The following CHD1L variants were observed in gnomAD, a reference collection of about 807,000 sequenced individuals.
The protein encoded by CHD1L is ATP-dependent chromatin remodeler CHD1L.
In CHD1L, 118 loss-of-function variants were observed where a neutral mutation model predicts 115.9. The ratio of observed to expected loss-of-function variants is 1.02; its 90% CI spans 0.88 to 1.19. CHD1L has a LOEUF of 1.19. Among genes scored for constraint, CHD1L ranks in the 50% most tolerant of loss-of-function variants. The pLI is 0.00. For synonymous variants in CHD1L, 411 were observed against 387.1 expected (o/e 1.06, Z -0.72); for missense variants, 1,179 against 1,065.3 (o/e 1.11, Z -1.49).
At chr1:147,264,356 G>A in intron 6 of CHD1L, 66 bp from the exon 7 acceptor site, 1 of 1,395,808 alleles carries the variant, frequency 7.2e-7, no homozygotes, top group Non-Finnish European at 9.8e-7. Flanking sequence ...TAAAGGTTGT[G>A]ATGGGTAACT....
chr1:147,203,674 G>A, the CHD1L span: 1 of 1,456,944 alleles, frequency 6.9e-7, no homozygotes, highest in Non-Finnish European at 9.6e-7. Flanking sequence ...TGATCTGTTT[G>A]GCTAATTCAA....
At chr1:147,203,910 C>T in the CHD1L span, 2 of 1,553,532 alleles carry the variant, frequency 1.3e-6, no homozygotes. Context: ...CCCATTTCTT[C>T]AAGGACAGGA....
At chr1:147,264,333 C>G in intron 6 of CHD1L, 89 bp from the exon 7 acceptor site, 2 of 1,196,054 alleles carry the variant, frequency 1.7e-6, no homozygotes, top group East Asian at 5.3e-5. Context: ...AATCATGCCT[C>G]TCTCTGTGTG....
chr1:147,192,937 C>T, the CHD1L span, among the ~76,000 whole-genome samples: 3 of 152,138 alleles, frequency 2.0e-5, no homozygotes, highest in Non-Finnish European at 2.9e-5. Flanking sequence ...AGGATTTTTG[C>T]ATCAATGTTC....
the CHD1L span, among the ~76,000 whole-genome samples, chr1:147,187,823 G>C: frequency 1.3e-5 from 2 of 152,172 alleles, no homozygotes; most frequent in African/African-American, 4.8e-5. Flanking sequence ...ATTTAAAAGG[G>C]CTTTTTAAAG....
chr1:147,286,455 C>G lies in CHD1L; in HGVS notation c.2176C>G (p.His726Asp). 6.2e-7 allele frequency: 1 copy of G among 1,614,082 alleles called. No homozygotes were observed. The highest frequency in any genetic ancestry group is 8.5e-7 in the Non-Finnish European group (1 of 1,180,036). The change falls in exon 18 of 23, where the codon CAC (histidine) becomes GAC (aspartate). Residue 726 changes from histidine to aspartate, a missense_variant. Transcript: ENST00000369258. ...SLKYVSGDVTHPQAGAEDALI... is the reference protein window; with the variant it reads ...SLKYVSGDVTDPQAGAEDALI... ...CAAGTACGTTAGTGGTGATGTCACC[C>G]ACCCTCAGGCTGGGGCCGAGGATGC... is the stretch of plus-strand genomic sequence containing the variant.
chr1:147,256,402 T>C, intron 4 of CHD1L, 129 bp from the exon 5 acceptor site: 1 of 822,350 alleles, frequency 1.2e-6, no homozygotes, highest in Non-Finnish European at 1.9e-6. Context: ...TCTCAGAACT[T>C]TTTTTTACTT....
the CHD1L span, chr1:147,178,170 C>G: frequency 6.2e-7 from 1 of 1,610,624 alleles, no homozygotes; most frequent in African/African-American, 1.3e-5. Flanking sequence ...TCGCCGCGGC[C>G]CGCCTCGCGG....
the CHD1L span, among the ~76,000 whole-genome samples, chr1:147,232,083 A>T: frequency 6.6e-6 from 1 of 152,196 alleles, no homozygotes; most frequent in Non-Finnish European, 1.5e-5. Flanking sequence ...CACCCCCCAG[A>T]GGCCACTTTT....
rs1674393097 is a variant in CHD1L, at chr1:147,267,447, CAAAG to C, written c.922_925del (p.Lys308LeufsTer34). 1.2e-6 allele frequency: 2 copies of C among 1,612,446 alleles called. No homozygotes were observed. Among genetic ancestry groups the C allele is most frequent in the Non-Finnish European group, 1.7e-6 (2 of 1,179,154 alleles). ...TCAGATGCATTTGAAAATGAGACGG[CAAAG>C]AAAGTTAAACTACAGAACATTTTGT... On this transcript the variant is annotated frameshift_variant, in exon 9 of 23. Coordinates refer to ENST00000369258, the MANE Select transcript of CHD1L (RefSeq NM_004284.6). LOFTEE classifies it high-confidence loss of function.
chr1:147,223,810 C>G, the CHD1L span: 1 of 286,216 alleles, frequency 3.5e-6, no homozygotes, highest in Non-Finnish European at 6.8e-6. Context: ...TTCACCCAGG[C>G]TTCGCACTGC....
At chr1:147,239,933 G>T (rs1358194629), upstream of CHD1L, among the ~76,000 whole-genome samples, 2 of 152,186 alleles carry the variant, frequency 1.3e-5, no homozygotes, top group Non-Finnish European at 2.9e-5. Flanking sequence ...AACCACTCAT[G>T]AGCAGCCACA....
rs1422381412 is a variant in CHD1L, at chr1:147,248,047, A to G, written c.128-4576A>G. On this transcript the variant is annotated intron_variant, in intron 1 of 22. Coordinates refer to ENST00000369258, the MANE Select transcript of CHD1L (RefSeq NM_004284.6). ...AATGCCTTTTGCCATATAAGGTCAC[A>G]TACTCACTGATGCCAGGATCAGGGC... Among the ~76,000 whole-genome samples the G allele has an allele frequency of 2.0e-5, 3 of 152,210 alleles. No individual in the cohort carries two copies. The East Asian group carries it at 5.8e-4, about 29-fold the overall frequency.
At chr1:147,290,823 C>A (rs1180083697) in intron 19 of CHD1L, among the ~76,000 whole-genome samples, 4 of 151,796 alleles carry the variant, frequency 2.6e-5, no homozygotes, top group Admixed American at 2.6e-4. Context: ...CTAACTTTTT[C>A]TTATTTTTTG....
At chr1:147,264,180 C>G (rs587720207) in intron 6 of CHD1L, among the ~76,000 whole-genome samples, 3 of 152,254 alleles carry the variant, frequency 2.0e-5, no homozygotes, top group Admixed American at 2.0e-4. Flanking sequence ...TTACTACATC[C>G]TTATATAAGT....
In CHD1L at chr1:147,285,977, G is replaced by C. The variant is rs12067528; in HGVS notation, c.2019-321G>C. Reference sequence around the variant, plus strand: ...CCTCCAAAGTGCTGGGATTACAGGCGTGAGCTACCATGCCCGGCCAAAACC... The same window carrying C: ...CCTCCAAAGTGCTGGGATTACAGGCCTGAGCTACCATGCCCGGCCAAAACC... On this transcript the variant is annotated intron_variant, in intron 17 of 22. Coordinates refer to ENST00000369258, the MANE Select transcript of CHD1L (RefSeq NM_004284.6). Among the ~76,000 whole-genome samples the C allele has an allele frequency of 4.6e-5, 7 of 152,186 alleles. No homozygotes were observed. In the South Asian group the frequency reaches 1.5e-3, roughly 32 times the overall value.
At chr1:147,262,186 ACT>A (rs1372087377) in intron 6 of CHD1L, among the ~76,000 whole-genome samples, 20 of 95,614 alleles carry the variant, frequency 2.1e-4, no homozygotes, top group Non-Finnish European at 3.7e-4. Context: ...ACAGAGCGAG[ACT>A]CTGTCTCAAA....
the CHD1L span, among the ~76,000 whole-genome samples, chr1:147,229,815 G>A: frequency 6.6e-6 from 1 of 151,828 alleles, no homozygotes; most frequent in African/African-American, 2.4e-5. Flanking sequence ...CTGTTTGTCT[G>A]TTATTGGTGT....
At chr1:147,178,074 GC>G in the CHD1L span, 63 of 1,252,216 alleles carry the variant, frequency 5.0e-5, no homozygotes, top group Non-Finnish European at 6.3e-5. Flanking sequence ...TCCCAGTCGA[GC>G]CGCGACCCTT....
Sources: allele counts gnomAD v4.1 joint callset (sites outside exome capture counted in the v4.1 genomes callset), GRCh38; gene constraint gnomAD v4.1.1; transcripts MANE v1.5; gene names NCBI Gene and HGNC (gene_info 2026-07-23, HGNC 2026-07-21).